DNAJC19: variants seen among roughly 807,000 people sequenced by gnomAD.
DNAJC19 encodes mitochondrial import inner membrane translocase subunit TIM14.
Under a neutral mutation model 19.8 loss-of-function variants are expected in DNAJC19, and 15 were observed. The observed-to-expected ratio is 0.76, with a 90% CI of 0.51 to 1.17. The LOEUF (loss-of-function observed/expected upper bound fraction) is 1.17. DNAJC19 is among the 50% of genes most tolerant of loss of function. The pLI, the probability that DNAJC19 is intolerant of heterozygous loss-of-function variation, is 0.00. For missense variants in DNAJC19, 105 were observed against 140.9 expected (o/e 0.75, Z 1.29); for synonymous variants, 38 against 42.1 (o/e 0.90, Z 0.38).
chr3:180,989,250 G>C (rs1715093076), intron 1 of DNAJC19: 1 of 1,159,938 alleles, frequency 8.6e-7, no homozygotes, highest in South Asian at 1.9e-5. Context: ...AGTGGAGCTA[G>C]TGCTGTGAAG....
intron 3 of DNAJC19, 107 bp downstream of exon 3, chr3:180,987,916 G>T: frequency 1.5e-6 from 2 of 1,333,900 alleles, no homozygotes; most frequent in Non-Finnish European, 2.2e-6. Flanking sequence ...CAGGAGAATG[G>T]GTCCAAAGCA....
intron 3 of DNAJC19, chr3:180,987,286 A>G: frequency 2.1e-6 from 1 of 468,308 alleles, no homozygotes; most frequent in South Asian, 2.5e-5. Flanking sequence ...ACAGTGTCTG[A>G]AAGCCAGGTC....
chr3:180,987,670 C>G, intron 3 of DNAJC19: 2 of 348,154 alleles, frequency 5.7e-6, no homozygotes, highest in South Asian at 4.9e-5. Context: ...GCCACATGGT[C>G]AGATCGGATC....
intron 1 of DNAJC19, among the ~76,000 whole-genome samples, chr3:180,988,778 G>A (rs1284403595): frequency 1.3e-5 from 2 of 151,386 alleles, no homozygotes; most frequent in African/African-American, 2.4e-5. Flanking sequence ...CGAGGCGGGC[G>A]TATCACTAGG....
At chr3:180,985,170 C>G (rs1019723996) in intron 5 of DNAJC19, among the ~76,000 whole-genome samples, 1 of 152,076 alleles carries the variant, frequency 6.6e-6, no homozygotes. Flanking sequence ...TCCAGTTTTT[C>G]TTTTCCTGTT....
intron 2 of DNAJC19, 26 bp downstream of exon 2, chr3:180,988,152 C>T (rs200678459): frequency 1.2e-5 from 20 of 1,614,166 alleles, no homozygotes; most frequent in Non-Finnish European, 1.6e-5. Context: ...CCCGACTTCA[C>T]TTCCATCCCC....
rs761124126 is a variant in DNAJC19, at chr3:180,983,903, A to C, written c.*737T>G. 8 of 453,904 alleles carry C rather than the reference A, an allele frequency of 1.8e-5. No homozygotes were observed. The highest frequency in any genetic ancestry group is 2.6e-5 in the Non-Finnish European group (6 of 226,764). The allele number at this position is 453,904 out of a possible 1,614,324, so 28.1% of individuals were successfully genotyped here. On this transcript the variant is annotated 3_prime_UTR_variant, in exon 6 of 6. Transcript: ENST00000382564. ...TAATTTATAAATGGTCATTACCTTTAAGGGGCTAGCTGAATACAATGTAAA... is the reference window on the plus strand; with the variant it reads ...TAATTTATAAATGGTCATTACCTTTCAGGGGCTAGCTGAATACAATGTAAA...
In DNAJC19 at chr3:180,984,677, T is replaced by C; in HGVS notation, c.314A>G (p.Glu105Gly). ...GSPYIAAKIN[E>G]AKDLLEGQAK... ...TTGACCTTCTAGTAAATCTTTAGCT[T>C]CATTGATTTTGGCTGCTATATAAGG... The change falls in exon 6 of 6, where the codon GAA (glutamate) becomes GGA (glycine). Residue 105 changes from glutamate to glycine, a missense_variant. Coordinates refer to ENST00000382564, the MANE Select transcript of DNAJC19 (RefSeq NM_145261.4). 5.0e-6 allele frequency: 8 copies of C among 1,608,872 alleles called. No individual in the cohort carries two copies. The highest frequency in any genetic ancestry group is 6.0e-6 in the Non-Finnish European group (7 of 1,176,462).
chr3:180,987,351 T>TG (rs1407697185), intron 3 of DNAJC19: 4 of 329,368 alleles, frequency 1.2e-5, no homozygotes, highest in African/African-American at 2.1e-5. Context: ...GATAAAAATC[T>TG]GCAAGAAGTG....
rs777655480 is a variant in DNAJC19 at position 180,983,779 on chromosome 3, T to A, written c.*861A>T. 6.6e-6 allele frequency: 3 copies of A among 453,622 alleles called. No homozygotes were observed. Among genetic ancestry groups the A allele is most frequent in the South Asian group, 4.7e-5 (3 of 64,374 alleles). The allele number at this position is 453,622 out of a possible 1,614,324, so 28.1% of individuals were successfully genotyped here. A position where few individuals can be genotyped will look rare whatever the true frequency, so the allele number is the denominator to read the frequency against. Reference sequence around the variant, plus strand: ...AGAGTCCAAATTAAATATGTTGATATTGAGAACATTTCAGTTTTCAGTTTT... The same window carrying A: ...AGAGTCCAAATTAAATATGTTGATAATGAGAACATTTCAGTTTTCAGTTTT... On this transcript the variant is annotated 3_prime_UTR_variant, in exon 6 of 6. Transcript: ENST00000382564.
chr3:180,984,617 T>C lies in DNAJC19; in HGVS notation c.*23A>G, dbSNP rs781713901. On this transcript the variant is annotated 3_prime_UTR_variant, in exon 6 of 6. Coordinates refer to ENST00000382564, the MANE Select transcript of DNAJC19 (RefSeq NM_145261.4). ...CTCATATACATAAACTAATACGAAC[T>C]TAAAATTCATCATACATTTACTTCA... is the stretch of plus-strand genomic sequence containing the variant. The C allele has an allele frequency of 6.5e-7, 1 of 1,549,200 alleles. No homozygotes were observed. Among genetic ancestry groups the C allele is most frequent in the African/African-American group, 1.4e-5 (1 of 73,360 alleles).
At chr3:180,985,789 T>C in intron 5 of DNAJC19, 137 bp downstream of exon 5, 3 of 748,680 alleles carry the variant, frequency 4.0e-6, no homozygotes, top group South Asian at 1.6e-5. Flanking sequence ...ACCAAAAATA[T>C]ATGGCTCCAG....
At position 180,988,200 on chromosome 3, in the gene DNAJC19, G is replaced by T; in HGVS notation, c.33C>A (p.Thr11=). 1 of 1,614,106 alleles carries T rather than the reference G, an allele frequency of 6.2e-7. No homozygotes were observed. The highest frequency in any genetic ancestry group is 1.1e-5 in the South Asian group (1 of 91,084). Residue 11 remains threonine (T), a synonymous_variant, in exon 2 of 6, where the codon ACC becomes ACA. Transcript: ENST00000382564. MASTVVAVGL[T]IAAAGFAGRY... ...AACCTGCAAATCCTGCAGCAGCAAT[G>T]GTCAGTCCAACTGCTACCACTGTAC... is the stretch of plus-strand genomic sequence containing the variant.
rs536157013 is a variant in DNAJC19 at position 180,984,613 on chromosome 3, G to A, written c.*27C>T. On this transcript the variant is annotated 3_prime_UTR_variant, in exon 6 of 6. Transcript: ENST00000382564. ...AGTACTCATATACATAAACTAATAC[G>A]AACTTAAAATTCATCATACATTTAC... 18 of 1,522,046 alleles carry A rather than the reference G, an allele frequency of 1.2e-5. 1 individual carries two copies. Among genetic ancestry groups the A allele is most frequent in the African/African-American group, 1.1e-4 (8 of 72,788 alleles). The allele number at this position is 1,522,046 out of a possible 1,614,324, so 94.3% of individuals were successfully genotyped here. A position where few individuals can be genotyped will look rare whatever the true frequency, so the allele number is the denominator to read the frequency against.
intron 3 of DNAJC19, chr3:180,987,252 A>G (rs1214202852): frequency 7.3e-6 from 4 of 548,792 alleles, no homozygotes; most frequent in Admixed American, 3.1e-5. Context: ...AATATGAACT[A>G]TCTTAGAAAT....
At chr3:180,985,727 C>T in intron 5 of DNAJC19, 199 bp downstream of exon 5, 2 of 581,724 alleles carry the variant, frequency 3.4e-6, no homozygotes, top group Non-Finnish European at 6.1e-6. Flanking sequence ...AATAGTAGCA[C>T]TTACATCTGC....
rs1360896043 is a variant in DNAJC19, at chr3:180,985,952, A to G, written c.254T>C (p.Ile85Thr). The G allele has an allele frequency of 6.2e-7, 1 of 1,613,732 alleles. No homozygotes were observed. Among genetic ancestry groups the G allele is most frequent in the Non-Finnish European group, 8.5e-7 (1 of 1,179,876 alleles). The part of the protein sequence containing the change: ...KGKIRDAHRR[I>T]MLLNHPDKGG... The stretch of plus-strand genomic sequence containing the variant: ...TTTGTCAGGATGATTTAAAAGCATA[A>G]TTCGTCGATGAGCATCTCTTATTTT... The change falls in exon 5 of 6, where the codon ATT becomes ACT. Residue 85 changes from isoleucine (I) to threonine (T), a missense_variant. Transcript: ENST00000382564.
Position 180,984,193 on chromosome 3 carries a change from C to T in DNAJC19, c.*447G>A, listed in dbSNP as rs1252779054. 3 of 454,092 alleles carry T rather than the reference C, an allele frequency of 6.6e-6. No homozygotes were observed. The highest frequency in any genetic ancestry group is 4.7e-5 in the South Asian group (3 of 64,472). The allele number at this position is 454,092 out of a possible 1,614,324, so 28.1% of individuals were successfully genotyped here. On this transcript the variant is annotated 3_prime_UTR_variant, in exon 6 of 6. Transcript: ENST00000382564. ...GTTCCAAGTATCCAAGTTGCCAGGC[C>T]AGTTGCCTGTACCTGGAACAGCCTT...
chr3:180,987,069 T>C (rs776169435), intron 3 of DNAJC19, 47 bp from the exon 4 acceptor site: 1 of 1,565,658 alleles, frequency 6.4e-7, no homozygotes, highest in African/African-American at 1.4e-5. Flanking sequence ...AAAATAAAGT[T>C]GCTTTAAAAA....
Sources: allele counts gnomAD v4.1 joint callset (sites outside exome capture counted in the v4.1 genomes callset), GRCh38; gene constraint gnomAD v4.1.1; transcripts MANE v1.5; gene names NCBI Gene and HGNC (gene_info 2026-07-23, HGNC 2026-07-21).